GTF3C1: variants seen among roughly 807,000 people sequenced by gnomAD.
GTF3C1 encodes general transcription factor IIIC subunit 1, also known as general transcription factor 3C polypeptide 1.
GTF3C1 carries 57 observed loss-of-function variants against 226.7 expected under a neutral mutation model. That is an observed-to-expected ratio of 0.25 (90% CI 0.20 to 0.31). The LOEUF is 0.31. Ranked by LOEUF, GTF3C1 falls within the 10% of genes least tolerant of loss-of-function variation. The pLI is 1.00. For missense variants in GTF3C1, 2,217 were observed against 2,776.1 expected, an observed-to-expected ratio of 0.80 and a Z score of 4.53; for synonymous variants, 1,090 against 1,084.8, an observed-to-expected ratio of 1.00 and a Z score of -0.09.
chr16:27,521,296 G>C (rs945562771), intron 6 of GTF3C1, among the ~76,000 whole-genome samples: 1 of 152,234 alleles, frequency 6.6e-6, no homozygotes, highest in African/African-American at 2.4e-5. Context: ...AGCCTGTAAA[G>C]GCATCAGCTA....
At chr16:27,466,401 C>G (rs2087787850) in intron 32 of GTF3C1, 1 of 152,148 alleles carries the variant, frequency 6.6e-6, no homozygotes, top group South Asian at 2.1e-4. Context: ...CAAACCATGC[C>G]CACATAAGAC....
chr16:27,515,473 A>AC (rs1488523746), intron 6 of GTF3C1, among the ~76,000 whole-genome samples: 1 of 151,824 alleles, frequency 6.6e-6, no homozygotes, highest in Non-Finnish European at 1.5e-5. Context: ...AACAAAAAAA[A>AC]AAAACAAAAA....
rs895408918 is a variant in GTF3C1 at position 27,466,880 on chromosome 16, C to A, written c.5075-1340G>T. Among the ~76,000 whole-genome samples, 5 of 152,226 alleles carry A rather than the reference C, an allele frequency of 3.3e-5. No individual in the cohort carries two copies. In the South Asian group the frequency reaches 8.3e-4, roughly 25 times the overall value. ...TAATCCAGAGAAAGGCCCTAACTCT[C>A]TTCAATTCTATGAAGGCTGAGAAAG... On this transcript the variant is annotated intron_variant, in intron 32 of 36. Coordinates refer to ENST00000356183, the MANE Select transcript of GTF3C1 (RefSeq NM_001520.4).
rs1288022734 is a variant in GTF3C1, at chr16:27,507,939, CAG to C, written c.1242+599_1242+600del. 1.3e-5 allele frequency among the ~76,000 whole-genome samples: 2 copies of C among 152,272 alleles called. No homozygotes were observed. Among genetic ancestry groups the C allele is most frequent in the Non-Finnish European group, 2.9e-5 (2 of 68,048 alleles). On this transcript the variant is annotated intron_variant, in intron 8 of 36. Transcript: ENST00000356183. This position sits in a 1 kb window ranked among gnomAD's most constrained non-coding sequence, Gnocchi z 4.9. Reference sequence around the variant, plus strand: ...CACTGCTTTGTCTGAAGCACGTGGACAGAGAGTGGCCAGCCCCAGCTGACTGT... The same window carrying C: ...CACTGCTTTGTCTGAAGCACGTGGACAGAGTGGCCAGCCCCAGCTGACTGT...
At chr16:27,517,538 G>A (rs1258110607) in intron 6 of GTF3C1, among the ~76,000 whole-genome samples, 1 of 152,224 alleles carries the variant, frequency 6.6e-6, no homozygotes, top group African/African-American at 2.4e-5. Context: ...AAAGGCAGGT[G>A]AGATACAACC....
chr16:27,468,132 TAAC>T (rs1211461831), intron 32 of GTF3C1, among the ~76,000 whole-genome samples: 2 of 152,126 alleles, frequency 1.3e-5, no homozygotes, highest in African/African-American at 2.4e-5. Context: ...GCCTTGGAAA[TAAC>T]AAGAGAACTA....
intron 6 of GTF3C1, among the ~76,000 whole-genome samples, chr16:27,523,364 G>A (rs908575656): frequency 9.2e-5 from 14 of 151,802 alleles, no homozygotes; most frequent in Non-Finnish European, 1.3e-4. Flanking sequence ...ATCCAAATTC[G>A]TTAAGGAGTT....
Position 27,506,994 on chromosome 16 carries a change from C to T in GTF3C1, c.1405G>A (p.Glu469Lys). Residue 469 changes from glutamate to lysine, a missense_variant, in exon 9 of 37, where the codon GAA (glutamate) becomes AAA (lysine). Glu to Lys is a moderately conservative substitution (Grantham distance 56). Transcript: ENST00000356183. ...TCAGAGAGGAAGGTGTCCTCGCCTTCAGGCAGAAGCGACTCCTCCTGCATA... is the reference window on the plus strand; with the variant it reads ...TCAGAGAGGAAGGTGTCCTCGCCTTTAGGCAGAAGCGACTCCTCCTGCATA... The part of the protein sequence containing the change: ...ASMQEESLLP[E>K]GEDTFLSESD... 2 of 1,613,838 alleles carry T rather than the reference C, an allele frequency of 1.2e-6. No individual in the cohort carries two copies. Among genetic ancestry groups the T allele is most frequent in the South Asian group, 1.1e-5 (1 of 91,056 alleles).
At chr16:27,476,421 C>A in intron 29 of GTF3C1, 30 bp downstream of exon 29, 1 of 1,408,392 alleles carries the variant, frequency 7.1e-7, no homozygotes, top group Non-Finnish European at 1.0e-6. Context: ...GCCCACATCC[C>A]CGCTGTGCTG....
intron 6 of GTF3C1, among the ~76,000 whole-genome samples, chr16:27,513,501 C>G (rs1385865059): frequency 6.6e-6 from 1 of 152,022 alleles, no homozygotes; most frequent in African/African-American, 2.4e-5. Flanking sequence ...AAAAGAGAGG[C>G]AGTAGGATCA....
chr16:27,538,167 T>C lies in GTF3C1; in HGVS notation c.608+13A>G. The C allele has an allele frequency of 6.6e-7, 1 of 1,521,500 alleles. No individual in the cohort carries two copies. The highest frequency in any genetic ancestry group is 1.3e-5 in the South Asian group (1 of 79,770). 94.2% of individuals were successfully genotyped at this position (1,521,500 alleles called of 1,614,324 possible). Reference sequence around the variant, plus strand: ...ATATAATTTAAAGCAGAGAAGCAAATCCCCCCACTTACTTGAAAGCAGTGG... The same window carrying C: ...ATATAATTTAAAGCAGAGAAGCAAACCCCCCCACTTACTTGAAAGCAGTGG... On this transcript the variant is annotated intron_variant, in intron 3 of 36. Coordinates refer to ENST00000356183, the MANE Select transcript of GTF3C1 (RefSeq NM_001520.4).
chr16:27,463,818 C>G lies in GTF3C1; in HGVS notation c.5873-226G>C, dbSNP rs376377710. ...CCACATGCAAGCAGCGTCCCAGGCC[C>G]GGACAAGCCCCACATTGCAGGAAGC... On this transcript the variant is annotated intron_variant, in intron 34 of 36. Coordinates refer to ENST00000356183, the MANE Select transcript of GTF3C1 (RefSeq NM_001520.4). This position sits in a 1 kb window ranked among gnomAD's most constrained non-coding sequence, Gnocchi z 4.9. The G allele has an allele frequency of 1.8e-6, 1 of 553,106 alleles. No individual in the cohort carries two copies. The allele number at this position is 553,106 out of a possible 1,614,324, so 34.3% of individuals were successfully genotyped here.
rs369166362 is a variant in GTF3C1, at chr16:27,470,259, C to A, written c.4663G>T (p.Asp1555Tyr). The change falls in exon 31 of 37, where the codon GAC (aspartate) becomes TAC (tyrosine). Residue 1555 changes from aspartate (D) to tyrosine (Y), a missense_variant. Around this residue, in one of 12 missense-constraint regions of GTF3C1, gnomAD observed 546 missense variants for 663.0 expected, o/e 0.82. Coordinates refer to ENST00000356183, the MANE Select transcript of GTF3C1 (RefSeq NM_001520.4). The surrounding 1 kb of genome is among the most constrained non-coding windows in gnomAD (Gnocchi z 4.9). ...CCGTCCAGTGAAAAGGCCACCATGTCGTTTGTGGGCTCGTTATTATCCTGG... is the reference window on the plus strand; with the variant it reads ...CCGTCCAGTGAAAAGGCCACCATGTAGTTTGTGGGCTCGTTATTATCCTGG... ...KDQDNNEPTNDMVAFSLDGPG... is the reference protein window; with the variant it reads ...KDQDNNEPTNYMVAFSLDGPG... 1 of 1,614,054 alleles carries A rather than the reference C, an allele frequency of 6.2e-7. No homozygotes were observed. Among genetic ancestry groups the A allele is most frequent in the Non-Finnish European group, 8.5e-7 (1 of 1,179,910 alleles).
chr16:27,522,855 TTTC>T (rs1278581938), intron 6 of GTF3C1, among the ~76,000 whole-genome samples: 1 of 152,266 alleles, frequency 6.6e-6, no homozygotes, highest in Non-Finnish European at 1.5e-5. Flanking sequence ...ACAAAATTGT[TTTC>T]TTAATTTCAT....
Position 27,545,337 on chromosome 16 carries a change from A to G in GTF3C1, c.408T>C (p.Cys136=), listed in dbSNP as rs2089147421. The change falls in exon 2 of 37, where the codon TGT becomes TGC. Residue 136 remains cysteine (C), a synonymous_variant. Coordinates refer to ENST00000356183, the MANE Select transcript of GTF3C1 (RefSeq NM_001520.4). ...ACCTGTCAAAGGCTTCCACCATTGT[A>G]CAGCGAGGCTGCAAGGACTTGGTTC... is the stretch of plus-strand genomic sequence containing the variant. ...DIRTKSLQPR[C]TMVEAFDRWG... is the part of the protein sequence containing the mutation. The G allele has an allele frequency of 5.0e-6, 8 of 1,613,296 alleles. No individual in the cohort carries two copies. Among genetic ancestry groups the G allele is most frequent in the South Asian group, 1.1e-5 (1 of 91,086 alleles).
In GTF3C1 at chr16:27,549,765, G is replaced by A. The variant is rs1365431157; in HGVS notation, c.126C>T (p.Cys42=). The change falls in exon 1 of 37, where the codon TGC becomes TGT. Residue 42 remains cysteine, a synonymous_variant. Transcript: ENST00000356183. ...VPPFPLPLEP[C]TQEFLWRALA... The stretch of plus-strand genomic sequence containing the variant: ...GGGCCCGCCAGAGAAACTCCTGCGT[G>A]CAGGGTTCCAAAGGCAGCGGGAAGG... The A allele has an allele frequency of 6.2e-7, 1 of 1,612,740 alleles. No individual in the cohort carries two copies. The highest frequency in any genetic ancestry group is 1.3e-5 in the African/African-American group (1 of 74,934).
At chr16:27,474,854 G>C (rs2087929192) in intron 29 of GTF3C1, among the ~76,000 whole-genome samples, 1 of 152,212 alleles carries the variant, frequency 6.6e-6, no homozygotes, top group Non-Finnish European at 1.5e-5. Flanking sequence ...CACAGCAAGT[G>C]TATGAGGACA....
At chr16:27,543,002 A>G (rs1190254316) in intron 2 of GTF3C1, among the ~76,000 whole-genome samples, 1 of 152,234 alleles carries the variant, frequency 6.6e-6, no homozygotes, top group African/African-American at 2.4e-5. Context: ...TGATGACCAC[A>G]CTGGTATGCA....
chr16:27,527,664 G>A (rs982023670), intron 6 of GTF3C1, among the ~76,000 whole-genome samples: 9 of 152,048 alleles, frequency 5.9e-5, no homozygotes, highest in Non-Finnish European at 1.3e-4. Flanking sequence ...GCTAGATAAC[G>A]AGATCATGCA....
Sources: gnomAD v4.1 joint callset for allele counts (sites outside exome capture counted in the v4.1 genomes callset) on GRCh38, gnomAD v4.1.1 for gene constraint, gnomAD v4.1.1 regional missense constraint, Gnocchi (gnomAD v3.1) non-coding constraint, MANE v1.5 for transcripts, NCBI Gene and HGNC (gene_info 2026-07-23, HGNC 2026-07-21) for gene names.